ESR2: variants seen among roughly 807,000 people sequenced by gnomAD.
The protein encoded by ESR2 is estrogen receptor 2.
ESR2 carries 36 observed loss-of-function variants against 49.6 expected under a neutral mutation model. That is an observed-to-expected ratio of 0.73 (90% confidence interval 0.56 to 0.96). The LOEUF is 0.96. ESR2 is among the 40% of genes least tolerant of loss of function. The pLI, the probability that ESR2 is intolerant of heterozygous loss-of-function variation, is 0.00. For synonymous variants in ESR2, 320 were observed against 266.1 expected, an observed-to-expected ratio of 1.20 and a Z score of -1.97; for missense variants, 714 against 693.0, an observed-to-expected ratio of 1.03 and a Z score of -0.34.
intron 3 of ESR2, among the ~76,000 whole-genome samples, chr14:64,278,297 G>A (rs910046115): frequency 6.6e-6 from 1 of 152,184 alleles, no homozygotes; most frequent in Non-Finnish European, 1.5e-5. Flanking sequence ...GCTAGGAGGT[G>A]AAGTCGCAGA....
chr14:64,272,316 T>C (rs998674540), intron 3 of ESR2, among the ~76,000 whole-genome samples: 1 of 152,244 alleles, frequency 6.6e-6, no homozygotes, highest in Non-Finnish European at 1.5e-5. Context: ...GTCAGATGTT[T>C]GCAGATATTT....
intron 8 of ESR2, 74 bp downstream of exon 8, chr14:64,234,896 C>T: frequency 1.3e-6 from 2 of 1,566,236 alleles, no homozygotes; most frequent in Non-Finnish European, 1.7e-6. Context: ...ACACTTTTCC[C>T]AAATCACTTC....
At chr14:64,248,714 C>T (rs2075921478) in intron 7 of ESR2, among the ~76,000 whole-genome samples, 1 of 151,902 alleles carries the variant, frequency 6.6e-6, no homozygotes, top group Non-Finnish European at 1.5e-5. Flanking sequence ...ACCTTATTTC[C>T]CTCCTCTACC....
intron 7 of ESR2, among the ~76,000 whole-genome samples, chr14:64,240,891 TC>T (rs1300049582): frequency 6.6e-6 from 1 of 151,978 alleles, no homozygotes; most frequent in Non-Finnish European, 1.5e-5. Context: ...ACGCTTGTAA[TC>T]CCAGCACTTT....
At chr14:64,313,573 G>GAGAA (rs1300159495) in intron 1 of ESR2, among the ~76,000 whole-genome samples, 2 of 148,136 alleles carry the variant, frequency 1.4e-5, no homozygotes, top group South Asian at 2.2e-4. Context: ...GAGAGAGAAA[G>GAGAA]AGAAAGAAAG....
At chr14:64,258,485 A>G (rs2076149944) in intron 5 of ESR2, among the ~76,000 whole-genome samples, 2 of 152,136 alleles carry the variant, frequency 1.3e-5, no homozygotes, top group South Asian at 4.1e-4. Context: ...CTAGCTGTTC[A>G]CTTAATCTCC....
chr14:64,281,122 AAGAAGAGAGAAG>A (rs2076659035), intron 2 of ESR2, among the ~76,000 whole-genome samples: 1 of 152,158 alleles, frequency 6.6e-6, no homozygotes, highest in Non-Finnish European at 1.5e-5. Context: ...AGAGAGAAAA[AAGAAGAGAGAAG>A]AGAAGAGAGA....
chr14:64,285,360 T>G (rs938382646), intron 1 of ESR2, among the ~76,000 whole-genome samples: 7 of 152,212 alleles, frequency 4.6e-5, no homozygotes, highest in African/African-American at 1.7e-4. Context: ...AATCTCCTGC[T>G]GTTTTCTTAC....
chr14:64,246,802 A>G (rs926702896), intron 7 of ESR2, among the ~76,000 whole-genome samples: 1 of 150,954 alleles, frequency 6.6e-6, no homozygotes, highest in African/African-American at 2.5e-5. Flanking sequence ...ATGCACATCA[A>G]CATAATCATC....
upstream of ESR2, among the ~76,000 whole-genome samples, chr14:64,299,031 C>T (rs1383025415): frequency 2.0e-5 from 3 of 151,120 alleles, no homozygotes; most frequent in Admixed American, 1.3e-4. Context: ...TTAGAAATGG[C>T]GGCAAATTGT....
chr14:64,333,053 T>A (rs968613143), intron 1 of ESR2, among the ~76,000 whole-genome samples: 16 of 151,380 alleles, frequency 1.1e-4, no homozygotes, highest in African/African-American at 3.4e-4. Flanking sequence ...ATTTTTTGTA[T>A]TTTTTAGTAG....
chr14:64,298,000 A>T (rs1222649181), upstream of ESR2, among the ~76,000 whole-genome samples: 1 of 152,228 alleles, frequency 6.6e-6, no homozygotes, highest in Non-Finnish European at 1.5e-5. Flanking sequence ...GGAAAGATTA[A>T]TTGAACGTGC....
intron 2 of ESR2, among the ~76,000 whole-genome samples, chr14:64,282,360 G>T (rs116417185): frequency 1.3e-5 from 2 of 152,022 alleles, no homozygotes; most frequent in Admixed American, 1.3e-4. Context: ...AAGAAAAGGA[G>T]TGACTTAAGT....
upstream of ESR2, chr14:64,297,792 G>A (rs1293019680): frequency 2.6e-5 from 4 of 152,166 alleles, no homozygotes; most frequent in African/African-American, 9.7e-5. Context: ...TGTCTAGAAG[G>A]GTGTCATGCC....
intron 1 of ESR2, among the ~76,000 whole-genome samples, chr14:64,331,772 G>A (rs866929992): frequency 7.1e-6 from 1 of 141,778 alleles, no homozygotes; most frequent in East Asian, 2.0e-4. Context: ...TGCATGAGCC[G>A]AGATCATGCC....
At chr14:64,311,464 A>G (rs1420061422) in intron 1 of ESR2, among the ~76,000 whole-genome samples, 2 of 152,020 alleles carry the variant, frequency 1.3e-5, no homozygotes, top group Admixed American at 1.3e-4. Flanking sequence ...ACATGGTGAT[A>G]CCCTGTCTCT....
intron 1 of ESR2, among the ~76,000 whole-genome samples, chr14:64,315,478 T>C (rs2077242907): frequency 6.6e-6 from 1 of 151,928 alleles, no homozygotes. Flanking sequence ...TAATGTTTTA[T>C]TTATTTATTT....
chr14:64,246,457 C>A (rs1280114425), intron 7 of ESR2, among the ~76,000 whole-genome samples: 1 of 152,040 alleles, frequency 6.6e-6, no homozygotes, highest in African/African-American at 2.4e-5. Flanking sequence ...GAGGCCTCCC[C>A]AGCCATACTG....
chr14:64,320,419 T>C (rs2077311730), intron 1 of ESR2, among the ~76,000 whole-genome samples: 1 of 151,484 alleles, frequency 6.6e-6, no homozygotes, highest in African/African-American at 2.4e-5. Flanking sequence ...AAAGTTGTGG[T>C]TGCCAGAGGT....
Sources: allele counts gnomAD v4.1 joint callset (sites outside exome capture counted in the v4.1 genomes callset), GRCh38; gene constraint gnomAD v4.1.1; transcripts MANE v1.5; gene names NCBI Gene and HGNC (gene_info 2026-07-23, HGNC 2026-07-21).